The following RFC5 variants were observed in gnomAD, a reference collection of about 807,000 sequenced individuals.
RFC5 encodes the protein replication factor C subunit 5.
In RFC5, 26 loss-of-function variants were observed where a neutral mutation model predicts 44.3. The observed-to-expected ratio is 0.59, with a 90% CI of 0.43 to 0.81. RFC5 has a LOEUF of 0.81. RFC5 is among the 40% of genes least tolerant of loss of function. RFC5 has a pLI of 0.00. For missense variants in RFC5, 328 were observed against 418.6 expected (o/e 0.78, Z 1.89); for synonymous variants, 155 against 155.2 (o/e 1.00, Z 0.01).
At chr12:118,024,079 A>C (rs1036228056) in intron 5 of RFC5, among the ~76,000 whole-genome samples, 1 of 152,024 alleles carries the variant, frequency 6.6e-6, no homozygotes, top group Non-Finnish European at 1.5e-5. Flanking sequence ...GGCCTGGCAC[A>C]GTGGCTCATG....
chr12:118,033,672 G>A (rs1165596350), downstream of RFC5: 2 of 152,580 alleles, frequency 1.3e-5, no homozygotes, highest in African/African-American at 4.8e-5. Flanking sequence ...AAACTGTCCT[G>A]CAGGTCAGAA....
chr12:118,025,037 T>G, intron 6 of RFC5, 27 bp downstream of exon 6: 1 of 1,605,562 alleles, frequency 6.2e-7, no homozygotes. Context: ...CCTTTGGGGA[T>G]GGAGTGTAGT....
intron 1 of RFC5, among the ~76,000 whole-genome samples, chr12:118,018,602 G>A (rs915711401): frequency 2.0e-5 from 3 of 151,950 alleles, no homozygotes; most frequent in East Asian, 3.9e-4. Flanking sequence ...GATATGAAAG[G>A]ATTCTGTTTT....
rs767662443 is a variant in RFC5 at position 118,019,128 on chromosome 12, T to G, written c.122T>G (p.Leu41Arg). 1 of 1,611,638 alleles carries G rather than the reference T, an allele frequency of 6.2e-7. No individual in the cohort carries two copies. The highest frequency in any genetic ancestry group is 1.3e-5 in the African/African-American group (1 of 74,914). ...GATCTCATTTCTCATCAGGACATTC[T>G]GAGTACCAGTAAGTATTCATGTGTC... The part of the protein sequence containing the change: ...LNDLISHQDI[L>R]STIQKFINED... The change falls in exon 2 of 11, where the codon CTG becomes CGG. Residue 41 changes from leucine (L) to arginine (R), a missense_variant. By Grantham distance (102) the Leu-to-Arg change is moderately radical. Coordinates refer to ENST00000454402, the MANE Select transcript of RFC5 (RefSeq NM_007370.7). The surrounding 1 kb of genome is among the most constrained non-coding windows in gnomAD (Gnocchi z 4.2).
chr12:118,036,357 C>T, downstream of RFC5: 1 of 1,614,048 alleles, frequency 6.2e-7, no homozygotes. Flanking sequence ...CTCAGCCTTT[C>T]GCCGGTGTAG....
intron 6 of RFC5, 95 bp from the exon 7 acceptor site, chr12:118,025,652 T>C: frequency 1.3e-6 from 1 of 758,324 alleles, no homozygotes; most frequent in Non-Finnish European, 2.4e-6. Context: ...CCTTCATCCC[T>C]TTAAAGCCTT....
At chr12:118,022,030 C>T (rs1423444667) in intron 4 of RFC5, among the ~76,000 whole-genome samples, 1 of 152,104 alleles carries the variant, frequency 6.6e-6, no homozygotes, top group Non-Finnish European at 1.5e-5. Flanking sequence ...GGTAGGGTGC[C>T]ATGTGGAGGA....
chr12:118,027,371 C>T (rs554280481), intron 8 of RFC5: 1 of 199,158 alleles, frequency 5.0e-6, no homozygotes, highest in East Asian at 1.4e-4. Context: ...GACACAAAGC[C>T]TTTTTGGAAA....
chr12:118,041,191 C>T, the RFC5 span, among the ~76,000 whole-genome samples: 1 of 152,194 alleles, frequency 6.6e-6, no homozygotes, highest in Non-Finnish European at 1.5e-5. Flanking sequence ...AAGCCCTAAT[C>T]CCCAATGTGA....
intron 9 of RFC5, among the ~76,000 whole-genome samples, chr12:118,028,478 T>G (rs561299897): frequency 6.9e-6 from 1 of 144,410 alleles, no homozygotes; most frequent in Non-Finnish European, 1.5e-5. Context: ...AGCTAGAGTT[T>G]GTCTCAAAAA....
intron 1 of RFC5, chr12:118,017,722 G>A: frequency 1.4e-6 from 1 of 706,944 alleles, no homozygotes. Flanking sequence ...CCATGCTGGA[G>A]CGCAGTGGTG....
intron 1 of RFC5, 32 bp downstream of exon 1, chr12:118,016,924 G>A: frequency 6.3e-7 from 1 of 1,593,450 alleles, no homozygotes; most frequent in Admixed American, 1.7e-5. Context: ...GCGGTGGGCA[G>A]AGGGGGCCAG....
chr12:118,039,419 G>A, the RFC5 span, among the ~76,000 whole-genome samples: 1 of 152,158 alleles, frequency 6.6e-6, no homozygotes, highest in African/African-American at 2.4e-5. Context: ...AAAAATGCGA[G>A]ATGCAGGGAA....
chr12:118,019,250 A>G lies in RFC5; in HGVS notation c.130+114A>G, dbSNP rs1410406789. The G allele has an allele frequency of 1.7e-5, 14 of 813,812 alleles. No homozygotes were observed. The highest frequency in any genetic ancestry group is 8.4e-6 in the Non-Finnish European group (4 of 475,340). 50.4% of individuals were successfully genotyped at this position (813,812 alleles called of 1,614,324 possible). ...CAAAGAATCTGATTGCGCTTTGTAG[A>G]ATGTGGCTTTAAGATCATTCATTCA... On this transcript the variant is annotated intron_variant, in intron 2 of 10. Transcript: ENST00000454402. This position sits in a 1 kb window ranked among gnomAD's most constrained non-coding sequence, Gnocchi z 4.2.
At chr12:118,022,551 G>A (rs1428069499) in intron 5 of RFC5, among the ~76,000 whole-genome samples, 192 bp downstream of exon 5, 1 of 151,860 alleles carries the variant, frequency 6.6e-6, no homozygotes, top group East Asian at 1.9e-4. Context: ...TGCAGCCTCT[G>A]CCTCCTGGGT....
chr12:118,019,826 C>T lies in RFC5; in HGVS notation c.267+58C>T. On this transcript the variant is annotated intron_variant, in intron 3 of 10. Transcript: ENST00000454402. The surrounding 1 kb of genome is among the most constrained non-coding windows in gnomAD (Gnocchi z 4.2). ...TTAAGAGACTCCAGTCTCTTAATTTCAGTTCTGCTGGTTTTATTTTACTTT... is the reference window on the plus strand; with the variant it reads ...TTAAGAGACTCCAGTCTCTTAATTTTAGTTCTGCTGGTTTTATTTTACTTT... 7.1e-7 allele frequency: 1 copy of T among 1,399,662 alleles called. No individual in the cohort carries two copies. Among genetic ancestry groups the T allele is most frequent in the East Asian group, 2.3e-5 (1 of 43,372 alleles). 86.7% of individuals were successfully genotyped at this position (1,399,662 alleles called of 1,614,324 possible).
downstream of RFC5, chr12:118,035,134 G>A (rs747772831): frequency 1.2e-6 from 2 of 1,613,050 alleles, no homozygotes; most frequent in Admixed American, 3.3e-5. Context: ...AGCTGACCCA[G>A]GGCCAGACCA....
At chr12:118,017,658 AT>A in intron 1 of RFC5, 2 of 1,007,778 alleles carry the variant, frequency 2.0e-6, no homozygotes, top group Non-Finnish European at 2.5e-6. Flanking sequence ...AGTTGTAACT[AT>A]TTTATGTATT....
chr12:118,035,375 A>G, downstream of RFC5: 2 of 1,527,758 alleles, frequency 1.3e-6, no homozygotes, highest in Non-Finnish European at 9.1e-7. Flanking sequence ...GCTGCTCTCC[A>G]CCCTCCATCA....
Sources: allele counts gnomAD v4.1 joint callset (sites outside exome capture counted in the v4.1 genomes callset), GRCh38; gene constraint gnomAD v4.1.1; non-coding constraint Gnocchi (gnomAD v3.1); transcripts MANE v1.5; gene names NCBI Gene and HGNC (gene_info 2026-07-23, HGNC 2026-07-21).